Variants in TENM2 observed in about 807,000 individuals in gnomAD.
TENM2 encodes the protein teneurin-2.
Under a neutral mutation model 245.2 loss-of-function variants are expected in TENM2, and 52 were observed. That is an observed-to-expected ratio of 0.21 (90% CI 0.17 to 0.27). TENM2 has a LOEUF of 0.27. TENM2 is among the 10% of genes least tolerant of loss of function. TENM2 has a pLI of 1.00. For synonymous variants in TENM2, 1,363 were observed against 1,438.9 expected, an observed-to-expected ratio of 0.95 and a Z score of 1.19; for missense variants, 3,046 against 3,666.8, an observed-to-expected ratio of 0.83 and a Z score of 4.37.
intron 1 of TENM2, among the ~76,000 whole-genome samples, chr5:167,313,012 C>T (rs568178564): frequency 6.6e-6 from 1 of 151,836 alleles, no homozygotes; most frequent in East Asian, 2.0e-4. Flanking sequence ...AAGCAATTCT[C>T]CCACCTCAGC....
In TENM2 at chr5:168,124,977, G is replaced by A. The variant is rs765610050; in HGVS notation, c.2136G>A (p.Gly712=). 2.5e-6 allele frequency: 4 copies of A among 1,611,420 alleles called. No homozygotes were observed. In the Admixed American group the frequency reaches 6.7e-5, roughly 27 times the overall value. ...TCCAGTGCCCAGACCAGTGCAGTGG[G>A]CATGGCACGTACCTGCCTGACACGG... The change falls in exon 11 of 29, where the codon GGG becomes GGA. Residue 712 remains glycine (G), a synonymous_variant. Transcript: ENST00000518659.
chr5:167,986,899 G>A (rs947362105), intron 4 of TENM2, among the ~76,000 whole-genome samples: 4 of 152,140 alleles, frequency 2.6e-5, no homozygotes, highest in Admixed American at 6.5e-5. Context: ...TACCTTGTGG[G>A]TCTTGCTTCA....
At chr5:167,920,325 C>G (rs1777256431) in intron 3 of TENM2, among the ~76,000 whole-genome samples, 2 of 139,126 alleles carry the variant, frequency 1.4e-5, no homozygotes, top group South Asian at 2.3e-4. Context: ...AACCCTGTCT[C>G]TACTTAAAAA....
chr5:167,213,646 T>C, the TENM2 span, among the ~76,000 whole-genome samples: 8 of 152,368 alleles, frequency 5.3e-5, no homozygotes, highest in East Asian at 9.6e-4. Context: ...CATGTGATGA[T>C]AATTTTGTGA....
the TENM2 span, among the ~76,000 whole-genome samples, chr5:167,252,693 T>A: frequency 8.3e-4 from 126 of 152,222 alleles, 1 homozygote; most frequent in South Asian, 0.021. Flanking sequence ...CTCACCCAGA[T>A]GAAGACGAGA....
At chr5:168,155,223 G>A (rs1038677786) in intron 12 of TENM2, among the ~76,000 whole-genome samples, 4 of 152,120 alleles carry the variant, frequency 2.6e-5, no homozygotes, top group South Asian at 2.1e-4. Context: ...GGTGATCCCC[G>A]ATCTCCAACA....
intron 2 of TENM2, among the ~76,000 whole-genome samples, chr5:167,869,472 G>T (rs1157255417): frequency 6.6e-6 from 1 of 152,222 alleles, no homozygotes; most frequent in African/African-American, 2.4e-5. Context: ...ACAACTGACA[G>T]TGTGGGTGAT....
At chr5:168,222,092 C>G (rs891386017) in intron 23 of TENM2, among the ~76,000 whole-genome samples, 1 of 152,210 alleles carries the variant, frequency 6.6e-6, no homozygotes, top group Non-Finnish European at 1.5e-5. Flanking sequence ...CTGTCTCCTT[C>G]CTACCCCTCA....
the TENM2 span, among the ~76,000 whole-genome samples, chr5:167,184,591 C>A: frequency 2.6e-5 from 4 of 152,128 alleles, no homozygotes; most frequent in Non-Finnish European, 5.9e-5. Context: ...AAGCCTGACC[C>A]TTATGTGTAT....
the TENM2 span, among the ~76,000 whole-genome samples, chr5:167,132,226 A>T: frequency 6.6e-6 from 1 of 152,200 alleles, no homozygotes; most frequent in African/African-American, 2.4e-5. Flanking sequence ...ACACGTCTAT[A>T]AAATTTTATG....
At chr5:168,002,137 G>C (rs1265932950) in intron 5 of TENM2, among the ~76,000 whole-genome samples, 1 of 152,172 alleles carries the variant, frequency 6.6e-6, no homozygotes, top group Non-Finnish European at 1.5e-5. Context: ...CAAAGCCATG[G>C]ATGAGAAGAG....
chr5:167,558,192 T>A (rs1027494347), intron 2 of TENM2, among the ~76,000 whole-genome samples: 1 of 152,130 alleles, frequency 6.6e-6, no homozygotes, highest in African/African-American at 2.4e-5. Flanking sequence ...TGACTTTGAA[T>A]TTTCTGGATC....
chr5:167,541,501 T>A (rs1036384425), intron 2 of TENM2, among the ~76,000 whole-genome samples: 1 of 152,206 alleles, frequency 6.6e-6, no homozygotes, highest in African/African-American at 2.4e-5. Flanking sequence ...GAAAAATCTC[T>A]GTTTCAAAGC....
Position 167,881,360 on chromosome 5 carries a change from T to G in TENM2, c.712+5165T>G, listed in dbSNP as rs115409194. ...TTCTCCTAATGTTCTGCATTGTAAC[T>G]TCTTATTGTGCTCTTTATCAGCTTT... On this transcript the variant is annotated intron_variant, in intron 3 of 28. Coordinates refer to ENST00000518659, the Ensembl canonical transcript of TENM2. Among the ~76,000 whole-genome samples, 1,010 of 152,332 alleles carry G rather than the reference T, an allele frequency of 6.6e-3. 4 individuals are homozygous for G. The highest frequency in any genetic ancestry group is 0.014 in the Middle Eastern group (4 of 294).
intron 27 of TENM2, among the ~76,000 whole-genome samples, chr5:168,255,614 G>C (rs958957002): frequency 2.0e-5 from 3 of 151,088 alleles, no homozygotes; most frequent in Non-Finnish European, 3.0e-5. Context: ...CTCATTAACA[G>C]TTCTAATCTC....
chr5:167,271,583 G>A, the TENM2 span, among the ~76,000 whole-genome samples: 7 of 152,070 alleles, frequency 4.6e-5, no homozygotes, highest in African/African-American at 1.7e-4. Flanking sequence ...GATTTATAAG[G>A]TACGTGTTAT....
At chr5:167,806,779 A>G (rs570428668) in intron 2 of TENM2, among the ~76,000 whole-genome samples, 74 of 152,216 alleles carry the variant, frequency 4.9e-4, no homozygotes, top group African/African-American at 1.7e-3. Context: ...GAAAGAATAC[A>G]TATTAAAATG....
intron 2 of TENM2, among the ~76,000 whole-genome samples, chr5:167,775,660 G>A (rs1490836075): frequency 6.6e-6 from 1 of 152,012 alleles, no homozygotes; most frequent in Non-Finnish European, 1.5e-5. Context: ...CCTACTCTGG[G>A]CACATTCTGT....
At chr5:168,206,500 C>T (rs1762355322) in intron 19 of TENM2, among the ~76,000 whole-genome samples, 2 of 152,290 alleles carry the variant, frequency 1.3e-5, no homozygotes, top group South Asian at 4.1e-4. Context: ...GGCCAAAGGC[C>T]AACCATTATG....
Sources: gnomAD v4.1 joint callset for allele counts (sites outside exome capture counted in the v4.1 genomes callset) on GRCh38, gnomAD v4.1.1 for gene constraint, MANE v1.5 for transcripts, NCBI Gene and HGNC (gene_info 2026-07-23, HGNC 2026-07-21) for gene names.